Variants in ATP10A observed in about 807,000 individuals in gnomAD.
ATP10A encodes the protein ATPase phospholipid transporting 10A (putative), also known as phospholipid-transporting ATPase VA.
A neutral mutation model predicts 147.8 loss-of-function variants in ATP10A; 111 were observed. The ratio of observed to expected loss-of-function variants is 0.75; its 90% CI spans 0.64 to 0.88. The LOEUF is 0.88. Ranked by LOEUF, ATP10A falls within the 40% of genes least tolerant of loss-of-function variation. ATP10A has a pLI of 0.00. For missense variants in ATP10A, 1,927 were observed against 1,959.0 expected, an observed-to-expected ratio of 0.98 and a Z score of 0.31; for synonymous variants, 875 against 841.6, an observed-to-expected ratio of 1.04 and a Z score of -0.69.
At chr15:25,803,922 ATG>A (rs1206823588) in intron 1 of ATP10A, among the ~76,000 whole-genome samples, 4 of 152,186 alleles carry the variant, frequency 2.6e-5, no homozygotes, top group African/African-American at 9.7e-5. Context: ...CCCAAGACAC[ATG>A]TGTGTGAGGT....
At chr15:25,771,222 G>A (rs1414796385) in intron 2 of ATP10A, among the ~76,000 whole-genome samples, 1 of 151,948 alleles carries the variant, frequency 6.6e-6, no homozygotes, top group Non-Finnish European at 1.5e-5. Context: ...TGCCCCCCGG[G>A]ATCACTCATG....
intron 1 of ATP10A, among the ~76,000 whole-genome samples, chr15:25,798,231 A>C (rs1425118260): frequency 6.6e-6 from 1 of 152,094 alleles, no homozygotes; most frequent in Non-Finnish European, 1.5e-5. Flanking sequence ...AAAACTCCAA[A>C]CAAGTCTCCT....
chr15:25,680,798 G>A lies in ATP10A; in HGVS notation c.3678+12C>T. 6.2e-7 allele frequency: 1 copy of A among 1,607,586 alleles called. No homozygotes were observed. The highest frequency in any genetic ancestry group is 8.5e-7 in the Non-Finnish European group (1 of 1,175,344). The stretch of plus-strand genomic sequence containing the variant: ...TGCTCTTCTGAGACGTGGCCATGCA[G>A]GCGGCTCTTACCCAGGTTTTGGTTT... On this transcript the variant is annotated intron_variant, in intron 19 of 20. Coordinates refer to ENST00000555815, the MANE Select transcript of ATP10A (RefSeq NM_024490.4).
chr15:25,823,697 A>C (rs576104750), intron 1 of ATP10A, among the ~76,000 whole-genome samples: 1 of 152,310 alleles, frequency 6.6e-6, no homozygotes, highest in Admixed American at 6.5e-5. Context: ...GCAAGCAAAA[A>C]ATTTTCATAG....
At chr15:25,714,541 T>C (rs1421599952) in intron 9 of ATP10A, among the ~76,000 whole-genome samples, 1 of 152,166 alleles carries the variant, frequency 6.6e-6, no homozygotes, top group Non-Finnish European at 1.5e-5. Context: ...GATCGTCCGC[T>C]GGCCTCTTCC....
At chr15:25,783,524 C>T (rs1004220393) in intron 1 of ATP10A, among the ~76,000 whole-genome samples, 2 of 152,212 alleles carry the variant, frequency 1.3e-5, no homozygotes, top group East Asian at 1.9e-4. Context: ...CCATCGGCTG[C>T]CCTAGATGCT....
Position 25,687,562 on chromosome 15 carries a change from G to A in ATP10A, c.3291+141C>T, listed in dbSNP as rs947210546. The A allele has an allele frequency of 6.5e-6, 4 of 616,920 alleles. No homozygotes were observed. In the Admixed American group the frequency reaches 1.1e-4, roughly 16 times the overall value. 38.2% of individuals were successfully genotyped at this position (616,920 alleles called of 1,614,324 possible). A position where few individuals can be genotyped will look rare whatever the true frequency, so the allele number is the denominator to read the frequency against. On this transcript the variant is annotated intron_variant, in intron 16 of 20. Coordinates refer to ENST00000555815, the MANE Select transcript of ATP10A (RefSeq NM_024490.4). ...AGTGCAGAGCCAGCCCAGGACAGGGGACAATTACACAGGCGAAGGAGGATG... is the reference window on the plus strand; with the variant it reads ...AGTGCAGAGCCAGCCCAGGACAGGGAACAATTACACAGGCGAAGGAGGATG...
chr15:25,801,379 A>T (rs1890930703), intron 1 of ATP10A, among the ~76,000 whole-genome samples: 1 of 152,198 alleles, frequency 6.6e-6, no homozygotes, highest in Admixed American at 6.5e-5. Flanking sequence ...ACAGCCAATC[A>T]CGGCTCTGAG....
chr15:25,761,649 A>G (rs1175496122), intron 2 of ATP10A, among the ~76,000 whole-genome samples: 2 of 152,364 alleles, frequency 1.3e-5, no homozygotes, highest in East Asian at 3.9e-4. Flanking sequence ...GAGCTTTAAG[A>G]TTTAATGACT....
chr15:25,757,566 GA>G (rs1888489497), intron 2 of ATP10A, among the ~76,000 whole-genome samples: 2 of 151,984 alleles, frequency 1.3e-5, no homozygotes, highest in African/African-American at 4.8e-5. Context: ...GGAGGAAATA[GA>G]AAAAAGGCAG....
intron 2 of ATP10A, among the ~76,000 whole-genome samples, chr15:25,755,099 T>C (rs1411769820): frequency 6.6e-6 from 1 of 152,204 alleles, no homozygotes; most frequent in Non-Finnish European, 1.5e-5. Flanking sequence ...TCCCTTGAAA[T>C]AGCAGTTAAA....
chr15:25,736,615 T>G (rs2140492140), intron 2 of ATP10A, among the ~76,000 whole-genome samples: 1 of 152,210 alleles, frequency 6.6e-6, no homozygotes, highest in East Asian at 1.9e-4. Flanking sequence ...ACATAGCCAA[T>G]GAGTGAGCCA....
intron 2 of ATP10A, among the ~76,000 whole-genome samples, chr15:25,743,290 T>C (rs909212367): frequency 2.0e-5 from 3 of 152,162 alleles, no homozygotes; most frequent in Admixed American, 6.5e-5. Flanking sequence ...AAATGTGAAA[T>C]TCTAAAGCAC....
Position 25,683,374 on chromosome 15 carries a change from G to C in ATP10A, c.3404C>G (p.Pro1135Arg). Residue 1135 changes from proline to arginine, a missense_variant, in exon 17 of 21, where the codon CCG becomes CGG. By Grantham distance (103) the Pro-to-Arg change is moderately radical (BLOSUM62 -2). Coordinates refer to ENST00000555815, the MANE Select transcript of ATP10A (RefSeq NM_024490.4). Reference protein sequence around the residue: ...FFNLLFSSLPPLVTGVLDRDV... With the variant: ...FFNLLFSSLPRLVTGVLDRDV... ...CCTGTCCAGCACCCCAGTCACGAGC[G>C]GGGGAAGTGACGAGAAGAGCAGATT... 1.2e-6 allele frequency: 2 copies of C among 1,614,112 alleles called. No homozygotes were observed. Among genetic ancestry groups the C allele is most frequent in the Non-Finnish European group, 1.7e-6 (2 of 1,180,014 alleles).
At chr15:25,713,526 C>G in intron 10 of ATP10A, 148 bp downstream of exon 10, 1 of 880,380 alleles carries the variant, frequency 1.1e-6, no homozygotes, top group Non-Finnish European at 1.7e-6. Context: ...AAACACTGAT[C>G]TGAAGAAACC....
chr15:25,715,930 G>A (rs1424520556), intron 9 of ATP10A, among the ~76,000 whole-genome samples: 3 of 152,142 alleles, frequency 2.0e-5, no homozygotes, highest in African/African-American at 7.2e-5. Context: ...ACGCTTCCGT[G>A]CCCCCTACAC....
chr15:25,847,471 T>G (rs1893072350), intron 1 of ATP10A, among the ~76,000 whole-genome samples: 1 of 152,128 alleles, frequency 6.6e-6, no homozygotes, highest in Non-Finnish European at 1.5e-5. Flanking sequence ...GTTTTATCAC[T>G]AAGTATTTGA....
intron 2 of ATP10A, among the ~76,000 whole-genome samples, chr15:25,746,434 TA>T (rs1193480903): frequency 6.6e-6 from 1 of 152,264 alleles, no homozygotes; most frequent in East Asian, 1.9e-4. Context: ...CAGTATTTGA[TA>T]AAACAGTCAA....
At chr15:25,792,614 A>AC (rs1158795966) in intron 1 of ATP10A, among the ~76,000 whole-genome samples, 1 of 151,964 alleles carries the variant, frequency 6.6e-6, no homozygotes, top group Non-Finnish European at 1.5e-5. Context: ...TCCAACCCCA[A>AC]CCCCCCAAGC....
Sources: allele counts gnomAD v4.1 joint callset (sites outside exome capture counted in the v4.1 genomes callset), GRCh38; gene constraint gnomAD v4.1.1; transcripts MANE v1.5; gene names NCBI Gene and HGNC (gene_info 2026-07-23, HGNC 2026-07-21).